ADAM32: variants seen among roughly 807,000 people sequenced by gnomAD.
ADAM32 encodes the protein ADAM metallopeptidase domain 32.
In ADAM32, 89 loss-of-function variants were observed where a neutral mutation model predicts 114.9. The observed-to-expected ratio is 0.77, with a 90% CI of 0.65 to 0.92. ADAM32 has a LOEUF of 0.92. Among genes scored for constraint, ADAM32 ranks in the 40% least tolerant of loss-of-function variants. The probability of loss-of-function intolerance (pLI) is 0.00; values close to 1 mark genes in which losing one functional copy is unlikely to be tolerated. For synonymous variants in ADAM32, 285 were observed against 307.5 expected (o/e 0.93, Z 0.77); for missense variants, 870 against 932.8 (o/e 0.93, Z 0.88).
chr8:39,211,151 A>C lies in ADAM32; in HGVS notation c.1060A>C (p.Asn354His), dbSNP rs762679792. 41 of 1,578,774 alleles carry C rather than the reference A, an allele frequency of 2.6e-5. No homozygotes were observed. The highest frequency in any genetic ancestry group is 3.2e-5 in the Non-Finnish European group (37 of 1,165,692). Residue 354 changes from asparagine to histidine, a missense_variant, in exon 12 of 25, where the codon AAT (asparagine) becomes CAT (histidine). By Grantham distance (68) the Asn-to-His change is moderately conservative. Coordinates refer to ENST00000379907, the MANE Select transcript of ADAM32 (RefSeq NM_145004.7). ...ATATGGATTCATCTTTAGGCAATCC[A>C]ATGGTGTGAAGACTTTTAGCAGTTG... Reference protein sequence around the residue: ...CIMNPEVVQSNGVKTFSSCSL... With the variant: ...CIMNPEVVQSHGVKTFSSCSL...
intron 24 of ADAM32, 38 bp downstream of exon 24, chr8:39,283,662 T>G: frequency 6.6e-7 from 1 of 1,508,100 alleles, no homozygotes; most frequent in Non-Finnish European, 9.1e-7. Context: ...AATAAATACA[T>G]GTATAAAATT....
At chr8:39,188,261 A>G (rs952995460) in intron 11 of ADAM32, among the ~76,000 whole-genome samples, 1 of 152,140 alleles carries the variant, frequency 6.6e-6, no homozygotes, top group Non-Finnish European at 1.5e-5. Flanking sequence ...ATGTGTGTAT[A>G]TATGTACATA....
intron 17 of ADAM32, among the ~76,000 whole-genome samples, chr8:39,252,910 G>T (rs976165652): frequency 6.6e-6 from 1 of 151,612 alleles, no homozygotes; most frequent in Non-Finnish European, 1.5e-5. Context: ...GATTAAATCA[G>T]TAAACAAAAC....
intron 16 of ADAM32, among the ~76,000 whole-genome samples, chr8:39,242,447 T>C (rs761368146): frequency 2.0e-5 from 3 of 152,164 alleles, no homozygotes; most frequent in Non-Finnish European, 4.4e-5. Context: ...AAGAAAGAAG[T>C]TTAATGGACT....
chr8:39,120,578 A>G (rs1840550205), intron 2 of ADAM32, among the ~76,000 whole-genome samples: 1 of 152,066 alleles, frequency 6.6e-6, no homozygotes, highest in Admixed American at 6.5e-5. Flanking sequence ...CCTGGGTAAC[A>G]TGGTGAAACC....
intron 17 of ADAM32, among the ~76,000 whole-genome samples, chr8:39,249,568 T>C (rs1475989286): frequency 6.6e-6 from 1 of 152,212 alleles, no homozygotes; most frequent in Non-Finnish European, 1.5e-5. Context: ...TAAGAGATTA[T>C]AGAAAATTGG....
At chr8:39,202,318 C>G (rs1183594660) in intron 11 of ADAM32, among the ~76,000 whole-genome samples, 1 of 152,122 alleles carries the variant, frequency 6.6e-6, no homozygotes, top group African/African-American at 2.4e-5. Flanking sequence ...TGTTATTGGT[C>G]TATTCAGAGA....
chr8:39,244,766 G>A (rs909874793), intron 16 of ADAM32, among the ~76,000 whole-genome samples: 1 of 152,050 alleles, frequency 6.6e-6, no homozygotes, highest in Non-Finnish European at 1.5e-5. Flanking sequence ...CGAGTTAATG[G>A]GTGTAGCACA....
At chr8:39,163,428 A>G (rs757641854) in intron 7 of ADAM32, among the ~76,000 whole-genome samples, 1 of 151,188 alleles carries the variant, frequency 6.6e-6, no homozygotes, top group African/African-American at 2.4e-5. Flanking sequence ...TTTTGGTAAT[A>G]GTGTAGGGAC....
At chr8:39,190,591 T>G (rs1806538806) in intron 11 of ADAM32, among the ~76,000 whole-genome samples, 1 of 152,232 alleles carries the variant, frequency 6.6e-6, no homozygotes, top group African/African-American at 2.4e-5. Flanking sequence ...CCATTCTAAC[T>G]GGGGCAAGAT....
chr8:39,203,711 G>A (rs1585531360), intron 11 of ADAM32, among the ~76,000 whole-genome samples: 3 of 152,058 alleles, frequency 2.0e-5, no homozygotes, highest in Middle Eastern at 3.2e-3. Context: ...TAGTTGATGC[G>A]GTTTCTTCCT....
At chr8:39,192,644 G>T (rs1181528296) in intron 11 of ADAM32, among the ~76,000 whole-genome samples, 1 of 152,176 alleles carries the variant, frequency 6.6e-6, no homozygotes, top group Non-Finnish European at 1.5e-5. Flanking sequence ...TTTTGTAGTG[G>T]CTGGTAACGG....
At chr8:39,152,964 T>C (rs765359984) in intron 6 of ADAM32, among the ~76,000 whole-genome samples, 1 of 152,132 alleles carries the variant, frequency 6.6e-6, no homozygotes, top group Non-Finnish European at 1.5e-5. Flanking sequence ...AGTGTGGACA[T>C]ACTGACATGT....
chr8:39,265,260 T>G (rs1428475258), intron 19 of ADAM32, among the ~76,000 whole-genome samples: 1 of 152,204 alleles, frequency 6.6e-6, no homozygotes, highest in Non-Finnish European at 1.5e-5. Flanking sequence ...ATGCTCTTCT[T>G]TGTCCTTTTT....
intron 16 of ADAM32, among the ~76,000 whole-genome samples, chr8:39,240,085 G>C (rs1159804017): frequency 6.6e-6 from 1 of 152,100 alleles, no homozygotes; most frequent in African/African-American, 2.4e-5. Context: ...GACTTAACAG[G>C]TATTTACAGA....
intron 24 of ADAM32, among the ~76,000 whole-genome samples, chr8:39,284,409 A>G (rs1046381132): frequency 2.0e-5 from 3 of 151,912 alleles, no homozygotes; most frequent in African/African-American, 7.3e-5. Flanking sequence ...ACGTACACAC[A>G]CATACACACA....
chr8:39,211,504 A>T (rs1215123703), intron 12 of ADAM32, among the ~76,000 whole-genome samples, 180 bp downstream of exon 12: 3 of 152,242 alleles, frequency 2.0e-5, no homozygotes. Context: ...AGAATTTTGA[A>T]CAAGTTTATA....
At chr8:39,156,740 C>G (rs142594628) in intron 6 of ADAM32, among the ~76,000 whole-genome samples, 15 of 152,234 alleles carry the variant, frequency 9.9e-5, no homozygotes, top group African/African-American at 3.1e-4. Flanking sequence ...TATAAGTAAC[C>G]ACCCTCTCCC....
At chr8:39,240,382 A>G (rs1810480049) in intron 16 of ADAM32, among the ~76,000 whole-genome samples, 1 of 152,218 alleles carries the variant, frequency 6.6e-6, no homozygotes, top group Non-Finnish European at 1.5e-5. Context: ...CTGAATGATA[A>G]TAGTGACACA....
Sources: allele counts gnomAD v4.1 joint callset (sites outside exome capture counted in the v4.1 genomes callset), GRCh38; gene constraint gnomAD v4.1.1; transcripts MANE v1.5; gene names NCBI Gene and HGNC (gene_info 2026-07-23, HGNC 2026-07-21).